ANO4: variants seen among roughly 807,000 people sequenced by gnomAD.
ANO4 encodes anoctamin-4.
ANO4 carries 69 observed loss-of-function variants against 141.9 expected under a neutral mutation model. The ratio of observed to expected loss-of-function variants is 0.49; its 90% CI spans 0.40 to 0.59. The LOEUF (loss-of-function observed/expected upper bound fraction) is 0.59. Ranked by LOEUF, ANO4 falls within the 20% of genes least tolerant of loss-of-function variation. ANO4 has a pLI of 0.00. For synonymous variants in ANO4, 350 were observed against 394.3 expected, an observed-to-expected ratio of 0.89 and a Z score of 1.33; for missense variants, 894 against 1,162.2, an observed-to-expected ratio of 0.77 and a Z score of 3.36.
At chr12:100,943,031 C>A (rs145001556) in intron 5 of ANO4, among the ~76,000 whole-genome samples, 109 of 152,282 alleles carry the variant, frequency 7.2e-4, no homozygotes, top group Non-Finnish European at 9.6e-4. Flanking sequence ...GACATTCAGG[C>A]TATTTTTTTC....
At chr12:101,117,309 T>G (rs2050894119) in intron 25 of ANO4, among the ~76,000 whole-genome samples, 1 of 152,168 alleles carries the variant, frequency 6.6e-6, no homozygotes, top group African/African-American at 2.4e-5. Context: ...TTTCTCTCCC[T>G]CTAAAAGGAA....
At chr12:101,008,528 A>G (rs769644842) in intron 8 of ANO4, among the ~76,000 whole-genome samples, 69 of 152,216 alleles carry the variant, frequency 4.5e-4, no homozygotes, top group Non-Finnish European at 9.3e-4. Context: ...ATTTAATTAC[A>G]TTATCATAAT....
At chr12:100,926,295 A>G (rs1048057538) in intron 3 of ANO4, among the ~76,000 whole-genome samples, 5 of 152,142 alleles carry the variant, frequency 3.3e-5, no homozygotes, top group Non-Finnish European at 7.4e-5. Context: ...GTATATCCTC[A>G]TCTCTTCTAA....
At chr12:101,091,962 C>T (rs1465304279) in intron 17 of ANO4, among the ~76,000 whole-genome samples, 2 of 151,850 alleles carry the variant, frequency 1.3e-5, no homozygotes, top group Non-Finnish European at 2.9e-5. Context: ...CATTTTATTC[C>T]GTGTCTTGAA....
chr12:101,033,803 A>G (rs141703204), intron 9 of ANO4, among the ~76,000 whole-genome samples: 2 of 152,190 alleles, frequency 1.3e-5, no homozygotes, highest in Non-Finnish European at 2.9e-5. Flanking sequence ...AAGAGAAAAA[A>G]CAACCCCATG....
At chr12:100,985,290 C>T (rs79708490) in intron 7 of ANO4, among the ~76,000 whole-genome samples, 2,231 of 152,234 alleles carry the variant, frequency 0.015, 53 homozygotes, top group African/African-American at 0.051. Flanking sequence ...AAGCAAAAAA[C>T]AGAAATGTTA....
chr12:100,787,197 G>T (rs1194141149), intron 3 of ANO4, among the ~76,000 whole-genome samples: 1 of 150,732 alleles, frequency 6.6e-6, no homozygotes, highest in Non-Finnish European at 1.5e-5. Context: ...ACTTGGAGAT[G>T]GGTTACTCCA....
chr12:101,029,604 C>T (rs943984576), intron 9 of ANO4, among the ~76,000 whole-genome samples: 13 of 151,990 alleles, frequency 8.6e-5, no homozygotes, highest in African/African-American at 3.1e-4. Flanking sequence ...ATAAAGAGAA[C>T]AATTCAACAA....
chr12:100,914,830 T>G (rs2136078439), intron 2 of ANO4, among the ~76,000 whole-genome samples: 1 of 152,288 alleles, frequency 6.6e-6, no homozygotes, highest in South Asian at 2.1e-4. Context: ...TATTTTTATT[T>G]TTTTAAGATA....
intron 14 of ANO4, among the ~76,000 whole-genome samples, chr12:101,071,755 A>G (rs954571101): frequency 3.9e-5 from 6 of 152,178 alleles, no homozygotes; most frequent in African/African-American, 1.2e-4. Context: ...TCGATTTTCC[A>G]TGATGTGATT....
intron 5 of ANO4, 34 bp downstream of exon 5, chr12:100,942,569 T>C (rs369563297): frequency 6.3e-7 from 1 of 1,596,062 alleles, no homozygotes; most frequent in African/African-American, 1.4e-5. Flanking sequence ...AAAAAATATA[T>C]ACATATCTAT....
intron 5 of ANO4, among the ~76,000 whole-genome samples, chr12:100,966,846 CACAT>C (rs1237548491): frequency 2.7e-5 from 4 of 147,758 alleles, no homozygotes; most frequent in Non-Finnish European, 3.0e-5. Context: ...TATACACACA[CACAT>C]ATACACACAT....
intron 1 of ANO4, among the ~76,000 whole-genome samples, chr12:100,807,365 A>G (rs1593382429): frequency 6.6e-6 from 1 of 152,218 alleles, no homozygotes; most frequent in Non-Finnish European, 1.5e-5. Flanking sequence ...GCAGTTCCAC[A>G]CTGTGTTAAT....
At chr12:101,017,349 T>C (rs2136476701) in intron 8 of ANO4, among the ~76,000 whole-genome samples, 1 of 152,152 alleles carries the variant, frequency 6.6e-6, no homozygotes, top group Non-Finnish European at 1.5e-5. Context: ...TTCGATTACC[T>C]CCCACCAGGT....
At chr12:101,071,490 G>C (rs182423429) in intron 14 of ANO4, among the ~76,000 whole-genome samples, 3 of 151,976 alleles carry the variant, frequency 2.0e-5, no homozygotes, top group East Asian at 3.9e-4. Flanking sequence ...GAAAACAATT[G>C]AACTCATGGA....
At chr12:101,006,640 A>T (rs977740053) in intron 8 of ANO4, among the ~76,000 whole-genome samples, 1 of 152,372 alleles carries the variant, frequency 6.6e-6, no homozygotes, top group East Asian at 1.9e-4. Context: ...AACATGATGG[A>T]CTAGAGCTCC....
intron 9 of ANO4, among the ~76,000 whole-genome samples, chr12:101,027,043 C>A (rs570184607): frequency 6.6e-6 from 1 of 152,272 alleles, no homozygotes; most frequent in African/African-American, 2.4e-5. Flanking sequence ...GGTATCTTCT[C>A]ATCAGAACTG....
At chr12:101,036,456 C>T (rs906925161) in intron 9 of ANO4, among the ~76,000 whole-genome samples, 4 of 152,080 alleles carry the variant, frequency 2.6e-5, no homozygotes, top group African/African-American at 9.7e-5. Context: ...CAAGTGTCCC[C>T]TGATGGAAGA....
At chr12:100,905,304 G>A (rs2040790659) in intron 2 of ANO4, among the ~76,000 whole-genome samples, 1 of 152,128 alleles carries the variant, frequency 6.6e-6, no homozygotes, top group Non-Finnish European at 1.5e-5. Flanking sequence ...ATGGGGAAGG[G>A]AGAGCATCAA....
Sources: gnomAD v4.1 joint callset for allele counts (sites outside exome capture counted in the v4.1 genomes callset) on GRCh38, gnomAD v4.1.1 for gene constraint, MANE v1.5 for transcripts, NCBI Gene and HGNC (gene_info 2026-07-23, HGNC 2026-07-21) for gene names.